The following PSMB3 variants were observed in gnomAD, a reference collection of about 807,000 sequenced individuals.
PSMB3 encodes proteasome subunit beta type-3.
A neutral mutation model predicts 23.3 loss-of-function variants in PSMB3; 5 were observed. The ratio of observed to expected loss-of-function variants is 0.21; its 90% CI spans 0.11 to 0.45. The LOEUF is 0.45. Among genes scored for constraint, PSMB3 ranks in the 20% least tolerant of loss-of-function variants. PSMB3 has a pLI of 0.99. For missense variants in PSMB3, 192 were observed against 277.9 expected, an observed-to-expected ratio of 0.69 and a Z score of 2.20; for synonymous variants, 85 against 99.8, an observed-to-expected ratio of 0.85 and a Z score of 0.88.
chr17:38,755,628 G>A (rs1210879636), intron 2 of PSMB3, among the ~76,000 whole-genome samples: 3 of 138,104 alleles, frequency 2.2e-5, no homozygotes, highest in African/African-American at 5.4e-5. Flanking sequence ...CAGCCTGGGC[G>A]ACGAGTGAGA....
rs781153536 is a variant in PSMB3, at chr17:38,753,265, A to G, written c.119A>G (p.Gln40Arg). 5 of 1,614,178 alleles carry G rather than the reference A, an allele frequency of 3.1e-6. No individual in the cohort carries two copies. The highest frequency in any genetic ancestry group is 2.2e-5 in the East Asian group (1 of 44,886). ...GCCCAGATGGTGACCACGGACTTCC[A>G]GAAGATCTTTCCCATGGGTGACCGG... ...IQAQMVTTDF[Q>R]KIFPMGDRLY... Residue 40 changes from glutamine to arginine, a missense_variant, in exon 2 of 6, where the codon CAG becomes CGG. Transcript: ENST00000619426.
rs969465514 is a variant in PSMB3, at chr17:38,752,976, G to T, written c.3+147G>T. 53 of 1,335,148 alleles carry T rather than the reference G, an allele frequency of 4.0e-5. No homozygotes were observed. The highest frequency in any genetic ancestry group is 8.8e-5 in the Admixed American group (4 of 45,496). 82.7% of individuals were successfully genotyped at this position (1,335,148 alleles called of 1,614,324 possible). ...GAGCGGGCCCCGGTGAGGACCAAGA[G>T]GGTGAGTGCGGCTCATTGCCGCCAC... is the stretch of plus-strand genomic sequence containing the variant. On this transcript the variant is annotated intron_variant, in intron 1 of 5. Transcript: ENST00000619426. The surrounding 1 kb of genome is among the most constrained non-coding windows in gnomAD (Gnocchi z 5.5).
At chr17:38,756,494 T>G (rs1393168069) in intron 3 of PSMB3, among the ~76,000 whole-genome samples, 5 of 151,850 alleles carry the variant, frequency 3.3e-5, no homozygotes. Context: ...TAAGTTGAGC[T>G]CTCTTTTTCT....
In PSMB3 at chr17:38,755,709, T is replaced by TGC. The variant is rs1188889191; in HGVS notation, c.189-173_189-172insCG. Among the ~76,000 whole-genome samples, 1,061 of 139,628 alleles carry TGC rather than the reference T, an allele frequency of 7.6e-3. 18 individuals are homozygous for TGC. The highest frequency in any genetic ancestry group is 0.029 in the African/African-American group (993 of 33,762). The allele number at this position is 139,628 out of a possible 152,430, so 91.6% of individuals were successfully genotyped here. A position where few individuals can be genotyped will look rare whatever the true frequency, so the allele number is the denominator to read the frequency against. ...GTGTGTGTGTGTGTGTGTGTGTGTG[T>TGC]GTGTGTGCTGCCAAAGCAAGCACCA... On this transcript the variant is annotated intron_variant, in intron 2 of 5. Transcript: ENST00000619426.
chr17:38,753,327 C>G lies in PSMB3; in HGVS notation c.181C>G (p.Gln61Glu). The G allele has an allele frequency of 1.2e-6, 2 of 1,613,654 alleles. No individual in the cohort carries two copies. The highest frequency in any genetic ancestry group is 1.7e-6 in the Non-Finnish European group (2 of 1,179,762). Residue 61 changes from glutamine to glutamate, a missense_variant, in exon 2 of 6, where the codon CAG becomes GAG. By Grantham distance (29) the Gln-to-Glu change is conservative. Coordinates refer to ENST00000619426, the MANE Select transcript of PSMB3 (RefSeq NM_002795.4). Reference sequence around the variant, plus strand: ...TCTGGCCGGGCTCGCCACTGACGTCCAGACAGTGTAAGTTTCAAGGGTCCC... The same window carrying G: ...TCTGGCCGGGCTCGCCACTGACGTCGAGACAGTGTAAGTTTCAAGGGTCCC... ...IGLAGLATDV[Q>E]TVAQRLKFRL...
Position 38,762,492 on chromosome 17 carries a change from A to G in PSMB3, c.556A>G (p.Ile186Val), listed in dbSNP as rs747206629. Residue 186 changes from isoleucine to valine, a missense_variant, in exon 5 of 6, where the codon ATT becomes GTT. Ile to Val is a conservative substitution (Grantham distance 29). Transcript: ENST00000619426. Reference sequence around the variant, plus strand: ...GGATGCAGTGTCAGGCATGGGAGTCATTGTCCACATCATGTGAGTATGGGC... The same window carrying G: ...GGATGCAGTGTCAGGCATGGGAGTCGTTGTCCACATCATGTGAGTATGGGC... ...DRDAVSGMGV[I>V]VHIIEKDKIT... The G allele has an allele frequency of 1.2e-6, 2 of 1,613,826 alleles. No homozygotes were observed. Among genetic ancestry groups the G allele is most frequent in the Admixed American group, 1.7e-5 (1 of 60,010 alleles).
intron 5 of PSMB3, 33 bp from the exon 6 acceptor site, chr17:38,764,086 G>A (rs747245456): frequency 5.6e-6 from 9 of 1,613,924 alleles, no homozygotes; most frequent in Non-Finnish European, 6.8e-6. Flanking sequence ...CAGATGGGTA[G>A]AGATGTTTTC....
rs995005528 is a variant in PSMB3 at position 38,760,492 on chromosome 17, T to C, written c.358T>C (p.Phe120Leu). The C allele has an allele frequency of 6.2e-7, 1 of 1,614,266 alleles. No individual in the cohort carries two copies. The change falls in exon 4 of 6, where the codon TTC (phenylalanine) becomes CTC (leucine). Residue 120 changes from phenylalanine (F) to leucine (L), a missense_variant. Physicochemically the swap from Phe to Leu is conservative, Grantham distance 22. Coordinates refer to ENST00000619426, the MANE Select transcript of PSMB3 (RefSeq NM_002795.4). ...GTTGGACCCGAAGACCTTTAAGCCC[T>C]TCATTTGCTCTCTAGACCTCATCGG... is the stretch of plus-strand genomic sequence containing the variant. ...AGLDPKTFKPFICSLDLIGCP... is the reference protein window; with the variant it reads ...AGLDPKTFKPLICSLDLIGCP...
intron 2 of PSMB3, among the ~76,000 whole-genome samples, chr17:38,754,568 C>G (rs533456644): frequency 7.2e-5 from 11 of 152,200 alleles, no homozygotes; most frequent in Non-Finnish European, 1.2e-4. Context: ...TCTCACCCAG[C>G]CTGCCCTTTT....
At chr17:38,761,196 A>T (rs549934026) in intron 4 of PSMB3, among the ~76,000 whole-genome samples, 2 of 151,926 alleles carry the variant, frequency 1.3e-5, no homozygotes, top group Non-Finnish European at 2.9e-5. Context: ...CTAAAAAAAA[A>T]GTTAAATTAG....
At chr17:38,763,082 C>T (rs370881478) in intron 5 of PSMB3, among the ~76,000 whole-genome samples, 18 of 152,288 alleles carry the variant, frequency 1.2e-4, no homozygotes, top group African/African-American at 3.8e-4. Flanking sequence ...TTTGGCCAGG[C>T]GCGTTGGCTC....
chr17:38,753,928 G>T (rs981908728), intron 2 of PSMB3, among the ~76,000 whole-genome samples: 1 of 152,232 alleles, frequency 6.6e-6, no homozygotes, highest in African/African-American at 2.4e-5. Context: ...GAGAGACAAA[G>T]TCTGTAGGGA....
intron 2 of PSMB3, among the ~76,000 whole-genome samples, 168 bp from the exon 3 acceptor site, chr17:38,755,715 T>TGTGCGCGC (rs142685157): frequency 1.2e-4 from 17 of 138,432 alleles, no homozygotes; most frequent in Admixed American, 3.7e-4. Flanking sequence ...TGTGTGTGTG[T>TGTGCGCGC]GCTGCCAAAG....
rs1598033830 is a variant in PSMB3, at chr17:38,760,561, G to A, written c.427G>A (p.Ala143Thr). ...TGACTTTGTGGTCAGTGGCACCTGC[G>A]CCGAACAAATGTACGGAATGTGTGA... ...TDDFVVSGTC[A>T]EQMYGMCESL... Residue 143 changes from alanine (A) to threonine (T), a missense_variant, in exon 4 of 6, where the codon GCC becomes ACC. Physicochemically the swap from Ala to Thr is moderately conservative, Grantham distance 58 (BLOSUM62 0). Transcript: ENST00000619426. 1.2e-6 allele frequency: 2 copies of A among 1,614,234 alleles called. No homozygotes were observed. Among genetic ancestry groups the A allele is most frequent in the Non-Finnish European group, 1.7e-6 (2 of 1,180,048 alleles).
At chr17:38,753,966 C>T (rs763392445) in intron 2 of PSMB3, among the ~76,000 whole-genome samples, 30 of 152,154 alleles carry the variant, frequency 2.0e-4, no homozygotes, top group Non-Finnish European at 3.8e-4. Flanking sequence ...AGTTTGAGAG[C>T]TGAACGTTAC....
intron 5 of PSMB3, among the ~76,000 whole-genome samples, chr17:38,762,830 T>C (rs1168487795): frequency 1.3e-5 from 2 of 152,200 alleles, no homozygotes; most frequent in African/African-American, 4.8e-5. Flanking sequence ...ATTGAAATTC[T>C]AGGTGGCTCG....
chr17:38,752,769 C>G lies in PSMB3; in HGVS notation c.-58C>G. 1 of 1,610,632 alleles carries G rather than the reference C, an allele frequency of 6.2e-7. No individual in the cohort carries two copies. The highest frequency in any genetic ancestry group is 8.5e-7 in the Non-Finnish European group (1 of 1,176,850). The stretch of plus-strand genomic sequence containing the variant: ...AGTGAGAGCGGTTGCGCAGTGAAGG[C>G]TAGACCCGGTTTACTGGAATTGCTC... On this transcript the variant is annotated 5_prime_UTR_variant, in exon 1 of 6. Coordinates refer to ENST00000619426, the MANE Select transcript of PSMB3 (RefSeq NM_002795.4). This position sits in a 1 kb window ranked among gnomAD's most constrained non-coding sequence, Gnocchi z 5.5.
chr17:38,754,883 C>G (rs1385957825), intron 2 of PSMB3, among the ~76,000 whole-genome samples: 7 of 152,184 alleles, frequency 4.6e-5, no homozygotes, highest in Non-Finnish European at 1.0e-4. Context: ...TCCTGGGGCT[C>G]TGAGATGGAA....
In PSMB3 at chr17:38,753,203, T is replaced by C. The variant is rs1436685838; in HGVS notation, c.57T>C (p.Cys19=). 1 of 1,614,256 alleles carries C rather than the reference T, an allele frequency of 6.2e-7. No individual in the cohort carries two copies. The highest frequency in any genetic ancestry group is 2.2e-5 in the East Asian group (1 of 44,892). ...GAVMAMKGKN[C]VAIAADRRFG... The stretch of plus-strand genomic sequence containing the variant: ...TCATGGCCATGAAGGGGAAGAACTG[T>C]GTGGCCATCGCTGCAGACAGGCGCT... Residue 19 remains cysteine (C), a synonymous_variant, in exon 2 of 6, where the codon TGT becomes TGC. Transcript: ENST00000619426.
Sources: allele counts gnomAD v4.1 joint callset (sites outside exome capture counted in the v4.1 genomes callset), GRCh38; gene constraint gnomAD v4.1.1; non-coding constraint Gnocchi (gnomAD v3.1); transcripts MANE v1.5; gene names NCBI Gene and HGNC (gene_info 2026-07-23, HGNC 2026-07-21).